C1QTNF3: variants seen among roughly 807,000 people sequenced by gnomAD.
C1QTNF3 encodes complement C1q tumor necrosis factor-related protein 3.
In C1QTNF3, 26 loss-of-function variants were observed where a neutral mutation model predicts 32.6. That is an observed-to-expected ratio of 0.80 (90% CI 0.58 to 1.11). C1QTNF3 has a LOEUF of 1.11. Ranked by LOEUF, C1QTNF3 falls within the 50% of genes least tolerant of loss-of-function variation. The probability of loss-of-function intolerance (pLI) is 0.00; values close to 1 mark genes in which losing one functional copy is unlikely to be tolerated. For synonymous variants in C1QTNF3, 155 were observed against 146.0 expected (o/e 1.06, Z -0.44); for missense variants, 362 against 398.2 (o/e 0.91, Z 0.77).
intron 3 of C1QTNF3, among the ~76,000 whole-genome samples, chr5:34,032,789 C>G (rs1329952712): frequency 2.0e-5 from 3 of 152,046 alleles, no homozygotes; most frequent in African/African-American, 7.2e-5. Context: ...GAGCAAGACT[C>G]TGTTTCAAAA....
the C1QTNF3 span, among the ~76,000 whole-genome samples, chr5:34,202,189 A>C: frequency 6.6e-6 from 1 of 151,850 alleles, no homozygotes; most frequent in Non-Finnish European, 1.5e-5. Context: ...TAATTTTCTA[A>C]CCTCTTCAAA....
the C1QTNF3 span, among the ~76,000 whole-genome samples, chr5:34,225,920 TG>T: frequency 3.6e-5 from 5 of 137,742 alleles, no homozygotes; most frequent in African/African-American, 1.3e-4. Context: ...TTTATTTGAA[TG>T]CAAAAAAATA....
chr5:34,138,180 T>A, the C1QTNF3 span, among the ~76,000 whole-genome samples: 1 of 152,196 alleles, frequency 6.6e-6, no homozygotes, highest in South Asian at 2.1e-4. Context: ...GGAAAATACA[T>A]TGCTGTTGTT....
At chr5:34,224,432 T>C in the C1QTNF3 span, among the ~76,000 whole-genome samples, 1 of 152,186 alleles carries the variant, frequency 6.6e-6, no homozygotes, top group Admixed American at 6.6e-5. Context: ...CAAAACAGCA[T>C]GGTACTGGTA....
the C1QTNF3 span, among the ~76,000 whole-genome samples, chr5:34,154,505 A>G: frequency 6.6e-6 from 1 of 152,344 alleles, no homozygotes; most frequent in East Asian, 1.9e-4. Flanking sequence ...AATGCTGAGA[A>G]CTAGTTTTCA....
the C1QTNF3 span, among the ~76,000 whole-genome samples, chr5:34,224,515 C>A: frequency 3.0e-4 from 45 of 152,070 alleles, no homozygotes; most frequent in Middle Eastern, 3.4e-3. Flanking sequence ...ACAACTATCT[C>A]ATCTTTGACA....
chr5:34,020,864 C>T, intron 5 of C1QTNF3, 122 bp from the exon 6 acceptor site: 1 of 1,016,936 alleles, frequency 9.8e-7, no homozygotes, highest in Non-Finnish European at 1.5e-6. Context: ...GTTCTCTAAA[C>T]AGCCTGTGAG....
At chr5:34,178,284 G>C in the C1QTNF3 span, among the ~76,000 whole-genome samples, 2 of 152,104 alleles carry the variant, frequency 1.3e-5, no homozygotes, top group Non-Finnish European at 2.9e-5. Context: ...CTCCTCAAAG[G>C]AGAAAGAATT....
the C1QTNF3 span, among the ~76,000 whole-genome samples, chr5:34,216,624 C>G: frequency 6.6e-6 from 1 of 152,118 alleles, no homozygotes; most frequent in Non-Finnish European, 1.5e-5. Context: ...AACCTAATCT[C>G]TAGAGGAGGT....
the C1QTNF3 span, among the ~76,000 whole-genome samples, chr5:34,085,453 A>C: frequency 6.6e-6 from 1 of 151,244 alleles, no homozygotes; most frequent in Non-Finnish European, 1.5e-5. Flanking sequence ...CTTGCCAAAG[A>C]CCAGAAGATT....
At chr5:34,134,784 CT>C in the C1QTNF3 span, among the ~76,000 whole-genome samples, 1 of 152,154 alleles carries the variant, frequency 6.6e-6, no homozygotes, top group Non-Finnish European at 1.5e-5. Flanking sequence ...TATCCTGAGA[CT>C]TTGCTGAAGT....
At chr5:34,028,993 A>G (rs1754545744) in intron 3 of C1QTNF3, 110 bp from the exon 4 acceptor site, 3 of 842,774 alleles carry the variant, frequency 3.6e-6, no homozygotes, top group East Asian at 5.5e-5. Context: ...TTGGGAATAA[A>G]CATCAATCTA....
At chr5:34,140,404 G>C in the C1QTNF3 span, among the ~76,000 whole-genome samples, 2 of 152,112 alleles carry the variant, frequency 1.3e-5, no homozygotes, top group African/African-American at 4.8e-5. Context: ...AACAGCATCA[G>C]GATGACATAA....
the C1QTNF3 span, among the ~76,000 whole-genome samples, chr5:34,088,784 T>C: frequency 2.6e-5 from 4 of 152,196 alleles, no homozygotes; most frequent in African/African-American, 9.7e-5. Context: ...AGTGCTGAGA[T>C]GACTTGCGTG....
chr5:34,102,279 C>A, the C1QTNF3 span, among the ~76,000 whole-genome samples: 2 of 152,144 alleles, frequency 1.3e-5, no homozygotes, highest in Non-Finnish European at 2.9e-5. Context: ...ATTATTTATA[C>A]ATTGTTTACA....
At chr5:34,196,018 G>A in the C1QTNF3 span, among the ~76,000 whole-genome samples, 1 of 152,292 alleles carries the variant, frequency 6.6e-6, no homozygotes, top group Non-Finnish European at 1.5e-5. Context: ...TACCATGTGA[G>A]GATACTGAGA....
chr5:34,244,641 T>C, the C1QTNF3 span: 1 of 152,132 alleles, frequency 6.6e-6, no homozygotes, highest in Admixed American at 6.5e-5. Flanking sequence ...GCATGCTGAT[T>C]GGTGCATTTA....
intron 4 of C1QTNF3, chr5:34,024,386 T>TCAA (rs1754412364): frequency 5.4e-6 from 1 of 185,510 alleles, no homozygotes; most frequent in Non-Finnish European, 1.2e-5. Flanking sequence ...GAGATGTTTG[T>TCAA]GGTTGAACAA....
the C1QTNF3 span, among the ~76,000 whole-genome samples, chr5:34,119,562 T>C: frequency 2.6e-5 from 4 of 152,140 alleles, no homozygotes; most frequent in African/African-American, 4.8e-5. Context: ...CTTATGACCT[T>C]ACAGATCTGG....
Sources: allele counts gnomAD v4.1 joint callset (sites outside exome capture counted in the v4.1 genomes callset), GRCh38; gene constraint gnomAD v4.1.1; transcripts MANE v1.5; gene names NCBI Gene and HGNC (gene_info 2026-07-23, HGNC 2026-07-21).